CADPS2: variants seen among roughly 807,000 people sequenced by gnomAD.
CADPS2 encodes the protein calcium dependent secretion activator 2.
In CADPS2, 93 loss-of-function variants were observed where a neutral mutation model predicts 172.5. The ratio of observed to expected loss-of-function variants is 0.54; its 90% CI spans 0.46 to 0.64. The LOEUF (loss-of-function observed/expected upper bound fraction) is 0.64, where lower values mean the gene tolerates loss of function less well. Among genes scored for constraint, CADPS2 ranks in the 30% least tolerant of loss-of-function variants. The pLI, the probability that CADPS2 is intolerant of heterozygous loss-of-function variation, is 0.00. For synonymous variants in CADPS2, 546 were observed against 555.2 expected, an observed-to-expected ratio of 0.98 and a Z score of 0.23; for missense variants, 1,420 against 1,565.9, an observed-to-expected ratio of 0.91 and a Z score of 1.57.
At chr7:122,833,444 G>T (rs116132137) in intron 1 of CADPS2, among the ~76,000 whole-genome samples, 2 of 152,012 alleles carry the variant, frequency 1.3e-5, no homozygotes, top group South Asian at 4.2e-4. Flanking sequence ...TTTGCCTCCC[G>T]GGTTCGAGCA....
intron 17 of CADPS2, among the ~76,000 whole-genome samples, chr7:122,422,294 C>T (rs1232905668): frequency 6.6e-6 from 1 of 152,144 alleles, no homozygotes; most frequent in Non-Finnish European, 1.5e-5. Flanking sequence ...CTGTAAAGAA[C>T]AAGGACATTA....
At position 122,473,523 on chromosome 7, in the gene CADPS2, A is replaced by G. The variant is rs79599031; in HGVS notation, c.1998+858T>C. ...ATAATGCAAATATTCCAAAATCTGA[A>G]GAAAATTCAATATTTGAAACAGTTC... On this transcript the variant is annotated intron_variant, in intron 13 of 29. Coordinates refer to ENST00000449022, the MANE Select transcript of CADPS2 (RefSeq NM_017954.11). 7.9e-3 allele frequency among the ~76,000 whole-genome samples: 1,210 copies of G among 152,322 alleles called. 15 individuals are homozygous for G. The highest frequency in any genetic ancestry group is 0.027 in the African/African-American group (1,121 of 41,568).
intron 2 of CADPS2, among the ~76,000 whole-genome samples, chr7:122,724,259 G>A (rs537451501): frequency 1.1e-4 from 16 of 151,850 alleles, no homozygotes; most frequent in African/African-American, 3.9e-4. Flanking sequence ...TGGAAGTCAG[G>A]GACCTTGCCT....
chr7:122,820,394 T>C (rs1425837381), intron 1 of CADPS2, among the ~76,000 whole-genome samples: 3 of 151,924 alleles, frequency 2.0e-5, no homozygotes, highest in East Asian at 3.9e-4. Flanking sequence ...TCCCTGCCAA[T>C]TGCATCCGAC....
intron 2 of CADPS2, among the ~76,000 whole-genome samples, chr7:122,686,393 CTATTA>C (rs2083627279): frequency 6.6e-6 from 1 of 152,096 alleles, no homozygotes; most frequent in South Asian, 2.1e-4. Flanking sequence ...TTCAATTACA[CTATTA>C]TACTATTTTT....
At chr7:122,405,291 T>C (rs902297016) in intron 20 of CADPS2, among the ~76,000 whole-genome samples, 6 of 152,132 alleles carry the variant, frequency 3.9e-5, no homozygotes, top group Non-Finnish European at 7.3e-5. Context: ...AGAAAATGAA[T>C]GATGACAGAA....
At position 122,724,218 on chromosome 7, in the gene CADPS2, A is replaced by G. The variant is rs865799660; in HGVS notation, c.453+12737T>C. On this transcript the variant is annotated intron_variant, in intron 2 of 29. Coordinates refer to ENST00000449022, the MANE Select transcript of CADPS2 (RefSeq NM_017954.11). ...AAAAAATAAAAATAAAATAAAAATA[A>G]ATCTGTCTCTCCCAGTAGACTGTGG... Among the ~76,000 whole-genome samples, 3 of 151,824 alleles carry G rather than the reference A, an allele frequency of 2.0e-5. No individual in the cohort carries two copies. In the South Asian group the frequency reaches 6.2e-4, roughly 31 times the overall value.
chr7:122,724,024 G>A (rs1053524961), intron 2 of CADPS2, among the ~76,000 whole-genome samples: 1 of 141,932 alleles, frequency 7.0e-6, no homozygotes, highest in African/African-American at 2.6e-5. Flanking sequence ...ACTGGGGCCT[G>A]TTGTGGGGTG....
At chr7:122,442,225 C>CA (rs1207677380) in intron 15 of CADPS2, among the ~76,000 whole-genome samples, 1 of 152,220 alleles carries the variant, frequency 6.6e-6, no homozygotes, top group Non-Finnish European at 1.5e-5. Context: ...GTGGGCTACT[C>CA]AGAATTTCAT....
At chr7:122,460,186 T>A (rs1192142067) in intron 14 of CADPS2, among the ~76,000 whole-genome samples, 2 of 152,008 alleles carry the variant, frequency 1.3e-5, no homozygotes, top group African/African-American at 4.8e-5. Flanking sequence ...ACAAAACACC[T>A]AAATACTGCA....
chr7:122,362,944 G>A (rs2040373106), intron 25 of CADPS2, among the ~76,000 whole-genome samples: 1 of 152,176 alleles, frequency 6.6e-6, no homozygotes, highest in Admixed American at 6.5e-5. Flanking sequence ...ACAAAACCAT[G>A]CAGACTGACT....
intron 1 of CADPS2, among the ~76,000 whole-genome samples, chr7:122,849,158 T>G (rs1462596902): frequency 3.3e-5 from 5 of 152,210 alleles, no homozygotes; most frequent in Non-Finnish European, 7.3e-5. Flanking sequence ...TTAGCTTAAT[T>G]AAGCATGTTG....
intron 25 of CADPS2, among the ~76,000 whole-genome samples, chr7:122,373,831 T>C (rs564815983): frequency 2.6e-5 from 4 of 152,126 alleles, no homozygotes; most frequent in East Asian, 1.9e-4. Flanking sequence ...TAAAGAAGAA[T>C]TAATGCCAAT....
chr7:122,344,157 A>C (rs2037212069), intron 28 of CADPS2, among the ~76,000 whole-genome samples: 1 of 152,218 alleles, frequency 6.6e-6, no homozygotes, highest in Non-Finnish European at 1.5e-5. Flanking sequence ...CAACTGCCAC[A>C]GCTGAAGTGT....
intron 9 of CADPS2, among the ~76,000 whole-genome samples, chr7:122,512,239 A>T (rs1191542619): frequency 1.3e-5 from 2 of 152,120 alleles, no homozygotes; most frequent in Admixed American, 6.6e-5. Context: ...GTACGTACTC[A>T]CTGGAAGACA....
chr7:122,855,062 C>A (rs768729459), intron 1 of CADPS2, among the ~76,000 whole-genome samples: 2 of 152,182 alleles, frequency 1.3e-5, no homozygotes, highest in Non-Finnish European at 2.9e-5. Flanking sequence ...GTGGCAGAGA[C>A]TGAAAGCTTT....
chr7:122,338,926 A>C (rs1257655096), intron 28 of CADPS2: 1 of 145,996 alleles, frequency 6.8e-6, no homozygotes, highest in African/African-American at 2.6e-5. Flanking sequence ...ATGCTAGGCT[A>C]ATTTTTTTTT....
At chr7:122,604,186 A>C (rs898226977) in intron 6 of CADPS2, among the ~76,000 whole-genome samples, 1 of 152,114 alleles carries the variant, frequency 6.6e-6, no homozygotes, top group Non-Finnish European at 1.5e-5. Context: ...ACATGAACTT[A>C]TTTACCAATT....
chr7:122,767,209 A>T (rs1300121406), intron 1 of CADPS2, among the ~76,000 whole-genome samples: 1 of 152,154 alleles, frequency 6.6e-6, no homozygotes, highest in East Asian at 1.9e-4. Context: ...AGACATCCAC[A>T]TTTACAGGAT....
Sources: allele counts gnomAD v4.1 joint callset (sites outside exome capture counted in the v4.1 genomes callset), GRCh38; gene constraint gnomAD v4.1.1; transcripts MANE v1.5; gene names NCBI Gene and HGNC (gene_info 2026-07-23, HGNC 2026-07-21).